The following GREB1 variants were observed in gnomAD, a reference collection of about 807,000 sequenced individuals.
GREB1 encodes the protein protein GREB1.
Under a neutral mutation model 200.7 loss-of-function variants are expected in GREB1, and 106 were observed. The ratio of observed to expected loss-of-function variants is 0.53; its 90% CI spans 0.45 to 0.62. The LOEUF is 0.62. Among genes scored for constraint, GREB1 ranks in the 20% least tolerant of loss-of-function variants. The pLI is 0.00. For synonymous variants in GREB1, 1,132 were observed against 1,092.4 expected (o/e 1.04, Z -0.72); for missense variants, 2,243 against 2,556.8 (o/e 0.88, Z 2.65).
chr2:11,595,290 C>G lies in GREB1; in HGVS notation c.1736C>G (p.Thr579Ser). 6.2e-7 allele frequency: 1 copy of G among 1,613,774 alleles called. No individual in the cohort carries two copies. Among genetic ancestry groups the G allele is most frequent in the South Asian group, 1.1e-5 (1 of 91,072 alleles). Residue 579 changes from threonine to serine, a missense_variant, in exon 12 of 33, where the codon ACT (threonine) becomes AGT (serine). Physicochemically the swap from Thr to Ser is moderately conservative, Grantham distance 58. This residue lies in a region of GREB1 where 1,178 missense variants were observed against 1,387.4 expected (regional missense o/e 0.85). Coordinates refer to ENST00000381486, the MANE Select transcript of GREB1 (RefSeq NM_014668.4). ...QARILSESLL[T>S]PAEYQKEVNY... is the part of the protein sequence containing the mutation. ...CGGATTCTTTCCGAGAGCCTTCTCA[C>G]TCCTGCGGAGTACCAGAAGGAAGTC...
chr2:11,635,413 C>T lies in GREB1; in HGVS notation c.5346+8C>T, dbSNP rs1330096758. Reference sequence around the variant, plus strand: ...TTCCACATCACATCCAAGGTGAGCTCCTCGCTGCTGGGCAGGCCTCTATGT... The same window carrying T: ...TTCCACATCACATCCAAGGTGAGCTTCTCGCTGCTGGGCAGGCCTCTATGT... On this transcript the variant is annotated splice_region_variant and intron_variant, in intron 30 of 32. Coordinates refer to ENST00000381486, the MANE Select transcript of GREB1 (RefSeq NM_014668.4). 1 of 1,600,544 alleles carries T rather than the reference C, an allele frequency of 6.2e-7. No homozygotes were observed. Among genetic ancestry groups the T allele is most frequent in the Admixed American group, 1.7e-5 (1 of 59,256 alleles).
chr2:11,628,175 C>A (rs1684617879), intron 25 of GREB1, among the ~76,000 whole-genome samples: 2 of 152,334 alleles, frequency 1.3e-5, no homozygotes, highest in African/African-American at 4.8e-5. Context: ...TTAGACTGGT[C>A]TCTTAGTCCC....
In GREB1 at chr2:11,601,319, G is replaced by A. The variant is rs540334371; in HGVS notation, c.2529+324G>A. Among the ~76,000 whole-genome samples the A allele has an allele frequency of 1.2e-4, 18 of 152,312 alleles. No individual in the cohort carries two copies. In the South Asian group the frequency reaches 2.3e-3, roughly 19 times the overall value. ...GATATTGAAGGTAGAGCCCTTAGGC[G>A]CTGGGGGCTTTGGGCTCCATACAGA... On this transcript the variant is annotated intron_variant, in intron 16 of 32. Coordinates refer to ENST00000381486, the MANE Select transcript of GREB1 (RefSeq NM_014668.4).
At chr2:11,623,562 A>AGT (rs142101132) in intron 23 of GREB1, among the ~76,000 whole-genome samples, 1 of 152,044 alleles carries the variant, frequency 6.6e-6, no homozygotes, top group South Asian at 2.1e-4. Flanking sequence ...AGGCTGGGCG[A>AGT]GTGTGTGTGT....
chr2:11,641,140 T>TA lies in GREB1; in HGVS notation c.*686_*687insA, dbSNP rs1205532700. On this transcript the variant is annotated 3_prime_UTR_variant, in exon 33 of 33. Coordinates refer to ENST00000381486, the MANE Select transcript of GREB1 (RefSeq NM_014668.4). Reference sequence around the variant, plus strand: ...CTTTCTTTAAAACTAAAAGGGTTTTTTGGGGGGGGAGTTGGCGGGGAGGAA... The same window carrying TA: ...CTTTCTTTAAAACTAAAAGGGTTTTTATGGGGGGGGAGTTGGCGGGGAGGAA... 2 of 142,404 alleles carry TA rather than the reference T, an allele frequency of 1.4e-5. No individual in the cohort carries two copies. The highest frequency in any genetic ancestry group is 5.1e-4 in the East Asian group (2 of 3,914). The allele number at this position is 142,404 out of a possible 1,614,324, so 8.8% of individuals were successfully genotyped here.
chr2:11,583,716 G>A lies in GREB1; in HGVS notation c.902-1445G>A, dbSNP rs181528718. Among the ~76,000 whole-genome samples the A allele has an allele frequency of 3.6e-3, 547 of 152,130 alleles. 3 individuals are homozygous for A. The highest frequency in any genetic ancestry group is 0.01 in the African/African-American group (434 of 41,502). On this transcript the variant is annotated intron_variant, in intron 7 of 32. Coordinates refer to ENST00000381486, the MANE Select transcript of GREB1 (RefSeq NM_014668.4). ...TCTACTAAAAATACAAAAATTGGCC[G>A]GGTGTGGTGGTGCGCGCTTGTAATC...
intron 23 of GREB1, among the ~76,000 whole-genome samples, chr2:11,622,243 G>A (rs1277112100): frequency 6.6e-6 from 1 of 152,102 alleles, no homozygotes; most frequent in Non-Finnish European, 1.5e-5. Flanking sequence ...ACCACGCCTG[G>A]CTAATTTTTG....
intron 17 of GREB1, among the ~76,000 whole-genome samples, chr2:11,607,114 A>G (rs2148280714): frequency 6.6e-6 from 1 of 151,030 alleles, no homozygotes; most frequent in South Asian, 2.1e-4. Context: ...AAAATATTTT[A>G]GGGCCGTTGC....
chr2:11,618,283 C>A lies in GREB1; in HGVS notation c.3413-5C>A, dbSNP rs747102457. ...ACGTCCCTGACCATGTTCGTCTCTC[C>A]TCAGGTTCAGCGCTCGGTGGCGAGT... On this transcript the variant is annotated splice_region_variant and splice_polypyrimidine_tract_variant and intron_variant, in intron 21 of 32. Coordinates refer to ENST00000381486, the MANE Select transcript of GREB1 (RefSeq NM_014668.4). 6.7e-7 allele frequency: 1 copy of A among 1,501,576 alleles called. No individual in the cohort carries two copies. The highest frequency in any genetic ancestry group is 2.1e-5 in the Admixed American group (1 of 48,026). The allele number at this position is 1,501,576 out of a possible 1,614,324, so 93.0% of individuals were successfully genotyped here.
At chr2:11,572,202 C>T (rs576840453) in intron 4 of GREB1, among the ~76,000 whole-genome samples, 4 of 152,258 alleles carry the variant, frequency 2.6e-5, no homozygotes, top group South Asian at 2.1e-4. Context: ...TGAGCATCCA[C>T]TCTCCTGGGA....
Position 11,634,117 on chromosome 2 carries a change from C to T in GREB1, c.4992-14C>T, listed in dbSNP as rs781274221. ...TGTGTCAGCCTAGGGACTCACTCTC[C>T]CTCCTTGGAGCAGGGAGTTCTCCTG... On this transcript the variant is annotated splice_polypyrimidine_tract_variant and intron_variant, in intron 28 of 32. Transcript: ENST00000381486. The T allele has an allele frequency of 1.2e-6, 2 of 1,613,192 alleles. No homozygotes were observed. Among genetic ancestry groups the T allele is most frequent in the African/African-American group, 1.3e-5 (1 of 75,044 alleles).
At chr2:11,624,838 A>G (rs1684304946) in intron 23 of GREB1, among the ~76,000 whole-genome samples, 1 of 152,104 alleles carries the variant, frequency 6.6e-6, no homozygotes. Flanking sequence ...TTTAAGCTCA[A>G]CAGCTATCAT....
intron 1 of GREB1, among the ~76,000 whole-genome samples, chr2:11,545,919 C>T (rs1013980044): frequency 1.4e-4 from 22 of 151,936 alleles, no homozygotes; most frequent in African/African-American, 4.1e-4. Context: ...GGCTCACGCC[C>T]GTAATCCCAG....
At chr2:11,614,462 GA>G (rs1364918058) in intron 19 of GREB1, among the ~76,000 whole-genome samples, 6 of 152,014 alleles carry the variant, frequency 3.9e-5, no homozygotes, top group Non-Finnish European at 7.4e-5. Flanking sequence ...TCTTTCAGAT[GA>G]AAAAATCAGA....
intron 2 of GREB1, among the ~76,000 whole-genome samples, chr2:11,558,232 C>G (rs1676629236): frequency 6.6e-6 from 1 of 152,176 alleles, no homozygotes; most frequent in South Asian, 2.1e-4. Flanking sequence ...CTTGAGTAGA[C>G]TCAGGGCTGC....
Position 11,633,074 on chromosome 2 carries a change from C to T in GREB1, c.4991+11C>T. 1 of 1,613,048 alleles carries T rather than the reference C, an allele frequency of 6.2e-7. No homozygotes were observed. Among genetic ancestry groups the T allele is most frequent in the South Asian group, 1.1e-5 (1 of 91,046 alleles). The stretch of plus-strand genomic sequence containing the variant: ...TGGGGAGAGAAGCAGGTGAGGTAAC[C>T]TGAGAGCACCACCTCCTGCCACCCT... On this transcript the variant is annotated intron_variant, in intron 28 of 32. Transcript: ENST00000381486. This position sits in a 1 kb window ranked among gnomAD's most constrained non-coding sequence, Gnocchi z 4.1.
intron 1 of GREB1, among the ~76,000 whole-genome samples, chr2:11,505,793 G>A (rs1673168588): frequency 6.6e-6 from 1 of 152,118 alleles, no homozygotes; most frequent in Non-Finnish European, 1.5e-5. Flanking sequence ...GGTGCAGTGA[G>A]CTGTGATCAC....
At chr2:11,538,962 C>CTGTCCCCTCCCCTCA (rs1674506962) in intron 1 of GREB1, among the ~76,000 whole-genome samples, 1 of 74,596 alleles carries the variant, frequency 1.3e-5, no homozygotes, top group Non-Finnish European at 2.5e-5. Flanking sequence ...CCCTCCCCTC[C>CTGTCCCCTCCCCTCA]TCTCCCCTCC....
Position 11,618,339 on chromosome 2 carries a change from G to T in GREB1, c.3464G>T (p.Gly1155Val). 2 of 1,605,288 alleles carry T rather than the reference G, an allele frequency of 1.2e-6. No individual in the cohort carries two copies. The highest frequency in any genetic ancestry group is 1.7e-6 in the Non-Finnish European group (2 of 1,175,250). The change falls in exon 22 of 33, where the codon GGA becomes GTA. Residue 1155 changes from glycine to valine, a missense_variant. By Grantham distance (109) the Gly-to-Val change is moderately radical. Around this residue, in one of 3 missense-constraint regions of GREB1, gnomAD observed 587 missense variants for 553.1 expected, o/e 1.06. Coordinates refer to ENST00000381486, the MANE Select transcript of GREB1 (RefSeq NM_014668.4). Reference protein sequence around the residue: ...SSAQPTALPQGEHARSPQPRG... With the variant: ...SSAQPTALPQVEHARSPQPRG... The stretch of plus-strand genomic sequence containing the variant: ...GCTCAGCCCACAGCACTCCCCCAGG[G>T]AGAGCATGCCAGGTCGCCCCAGCCC...
Sources: gnomAD v4.1 joint callset for allele counts (sites outside exome capture counted in the v4.1 genomes callset) on GRCh38, gnomAD v4.1.1 for gene constraint, gnomAD v4.1.1 regional missense constraint, Gnocchi (gnomAD v3.1) non-coding constraint, MANE v1.5 for transcripts, NCBI Gene and HGNC (gene_info 2026-07-23, HGNC 2026-07-21) for gene names.